Variants in CFAP20DC observed in about 807,000 individuals in gnomAD.
CFAP20DC encodes CFAP20 domain containing.
Under a neutral mutation model 101.7 loss-of-function variants are expected in CFAP20DC, and 84 were observed. The ratio of observed to expected loss-of-function variants is 0.83; its 90% CI spans 0.69 to 0.99. The LOEUF (loss-of-function observed/expected upper bound fraction) is 0.99, where lower values mean the gene tolerates loss of function less well. CFAP20DC is among the 50% of genes least tolerant of loss of function. The pLI is 0.00. For missense variants in CFAP20DC, 1,007 were observed against 970.3 expected (o/e 1.04, Z -0.50); for synonymous variants, 359 against 351.2 (o/e 1.02, Z -0.25).
intron 15 of CFAP20DC, among the ~76,000 whole-genome samples, chr3:58,758,774 G>C (rs994823931): frequency 1.3e-5 from 2 of 152,090 alleles, no homozygotes; most frequent in African/African-American, 4.8e-5. Flanking sequence ...ACCTATGAGG[G>C]AGAACATGCG....
intron 4 of CFAP20DC, among the ~76,000 whole-genome samples, chr3:58,948,066 T>G (rs2089591516): frequency 1.3e-5 from 2 of 152,178 alleles, no homozygotes; most frequent in East Asian, 3.9e-4. Context: ...CTCCACAGCA[T>G]CAAAGGAGGC....
chr3:58,974,987 C>G (rs570655262), intron 4 of CFAP20DC, among the ~76,000 whole-genome samples: 1 of 152,298 alleles, frequency 6.6e-6, no homozygotes, highest in African/African-American at 2.4e-5. Context: ...CCTCTTGAAC[C>G]TGGTGCCTTC....
intron 4 of CFAP20DC, among the ~76,000 whole-genome samples, chr3:58,982,615 AC>A (rs1559939812): frequency 6.7e-6 from 1 of 149,764 alleles, no homozygotes; most frequent in South Asian, 2.1e-4. Flanking sequence ...GACAAAAAAA[AC>A]AAACACCGCA....
intron 5 of CFAP20DC, among the ~76,000 whole-genome samples, chr3:58,932,125 T>C (rs1037784040): frequency 1.3e-5 from 2 of 152,196 alleles, no homozygotes; most frequent in African/African-American, 4.8e-5. Context: ...ACGTGAAGAA[T>C]GCAGAAGCCT....
In CFAP20DC at chr3:59,001,028, C is replaced by T. The variant is rs1235966216; in HGVS notation, c.278+38529G>A. 6.6e-6 allele frequency among the ~76,000 whole-genome samples: 1 copy of T among 151,462 alleles called. No homozygotes were observed. The highest frequency in any genetic ancestry group is 2.4e-5 in the African/African-American group (1 of 41,118). ...AAAAATAAGAATTAACTTATTAATT[C>T]CAAGAAGCTTAAAAAAAATTAAATG... On this transcript the variant is annotated intron_variant, in intron 4 of 16. Transcript: ENST00000482387. The surrounding 1 kb of genome is among the most constrained non-coding windows in gnomAD (Gnocchi z 4.5).
intron 15 of CFAP20DC, chr3:58,794,125 T>C (rs1356410780): frequency 3.2e-5 from 9 of 280,102 alleles, no homozygotes; most frequent in South Asian, 3.1e-4. Context: ...ACACAGTAAT[T>C]CAAAGGTCAC....
chr3:58,960,752 G>A (rs964168987), intron 4 of CFAP20DC, among the ~76,000 whole-genome samples: 1 of 152,128 alleles, frequency 6.6e-6, no homozygotes, highest in East Asian at 1.9e-4. Flanking sequence ...TTGCAATAAG[G>A]ATGACTTATA....
At chr3:58,730,018 CA>C (rs769033730) in intron 3 of CFAP20DC, among the ~76,000 whole-genome samples, 861 of 53,538 alleles carry the variant, frequency 0.016, 1 homozygote, top group African/African-American at 0.02. Context: ...AACCTGTCTC[CA>C]AAAAAAAAAA....
At chr3:58,940,859 T>C (rs189875309) in intron 4 of CFAP20DC, among the ~76,000 whole-genome samples, 503 of 152,346 alleles carry the variant, frequency 3.3e-3, no homozygotes, top group Admixed American at 6.5e-3. Flanking sequence ...TAGACCAATT[T>C]CAGGAGAATG....
intron 4 of CFAP20DC, among the ~76,000 whole-genome samples, chr3:59,010,296 C>T (rs1004046303): frequency 2.6e-5 from 4 of 152,062 alleles, no homozygotes; most frequent in Non-Finnish European, 5.9e-5. Flanking sequence ...AACCAAGTAT[C>T]TGCTGTCTTC....
chr3:58,921,550 A>G (rs965985066), intron 5 of CFAP20DC, among the ~76,000 whole-genome samples: 3 of 152,114 alleles, frequency 2.0e-5, no homozygotes, highest in African/African-American at 7.2e-5. Flanking sequence ...GGATTATCCA[A>G]TTATCTTTTT....
At chr3:58,825,917 T>C (rs2107982120) in intron 14 of CFAP20DC, among the ~76,000 whole-genome samples, 1 of 152,356 alleles carries the variant, frequency 6.6e-6, no homozygotes, top group East Asian at 1.9e-4. Flanking sequence ...TTTAAATGAC[T>C]AATTTGTTAT....
At chr3:58,902,754 C>T (rs1055080643) in intron 6 of CFAP20DC, among the ~76,000 whole-genome samples, 9 of 152,122 alleles carry the variant, frequency 5.9e-5, no homozygotes, top group Non-Finnish European at 2.9e-5. Context: ...TAAAACAGCA[C>T]AGTATTTACA....
intron 4 of CFAP20DC, among the ~76,000 whole-genome samples, chr3:58,949,224 T>C (rs1230503603): frequency 1.3e-5 from 2 of 152,184 alleles, no homozygotes; most frequent in Non-Finnish European, 2.9e-5. Flanking sequence ...GTTGATCTTT[T>C]CAAAAAACCA....
At chr3:58,741,952 T>C (rs2067901704), downstream of CFAP20DC, 1 of 399,304 alleles carries the variant, frequency 2.5e-6, no homozygotes, top group Non-Finnish European at 3.4e-6. Context: ...AAGTATCATA[T>C]AGGAATATTC....
chr3:59,007,254 C>T lies in CFAP20DC; in HGVS notation c.278+32303G>A, dbSNP rs1326575171. Among the ~76,000 whole-genome samples, 1 of 152,192 alleles carries T rather than the reference C, an allele frequency of 6.6e-6. No homozygotes were observed. The highest frequency in any genetic ancestry group is 1.5e-5 in the Non-Finnish European group (1 of 68,044). On this transcript the variant is annotated intron_variant, in intron 4 of 16. Coordinates refer to ENST00000482387, the MANE Select transcript of CFAP20DC (RefSeq NM_001394063.1). The surrounding 1 kb of genome is among the most constrained non-coding windows in gnomAD (Gnocchi z 4.4). ...CCCCCATCTGAAGGTACTCCTCTAC[C>T]CGCCCTGGTAGCTGAACACAAAAGA...
chr3:58,886,844 T>A (rs1360343098), intron 6 of CFAP20DC, among the ~76,000 whole-genome samples: 2 of 152,224 alleles, frequency 1.3e-5, no homozygotes, highest in Non-Finnish European at 2.9e-5. Context: ...ATAATTTCTA[T>A]ATATGTTTGA....
chr3:58,922,338 G>A (rs2085469560), intron 5 of CFAP20DC, among the ~76,000 whole-genome samples: 1 of 152,104 alleles, frequency 6.6e-6, no homozygotes, highest in Non-Finnish European at 1.5e-5. Context: ...CTCCTCAATT[G>A]GCTGACTAGT....
chr3:58,837,875 C>T (rs2076844328), intron 13 of CFAP20DC, among the ~76,000 whole-genome samples: 1 of 152,178 alleles, frequency 6.6e-6, no homozygotes, highest in Non-Finnish European at 1.5e-5. Flanking sequence ...TTAATCTTCT[C>T]TCTATTGCTA....
Sources: allele counts gnomAD v4.1 joint callset (sites outside exome capture counted in the v4.1 genomes callset), GRCh38; gene constraint gnomAD v4.1.1; non-coding constraint Gnocchi (gnomAD v3.1); transcripts MANE v1.5; gene names NCBI Gene and HGNC (gene_info 2026-07-23, HGNC 2026-07-21).